Variants in APBA1 observed in about 807,000 individuals in gnomAD.
APBA1 encodes the protein amyloid beta precursor protein binding family A member 1.
In APBA1, 55 loss-of-function variants were observed where a neutral mutation model predicts 86.6. The ratio of observed to expected loss-of-function variants is 0.64; its 90% confidence interval spans 0.51 to 0.80. The LOEUF is 0.80. Ranked by LOEUF, APBA1 falls within the 30% of genes least tolerant of loss-of-function variation. The probability of loss-of-function intolerance (pLI) is 0.00; values close to 1 mark genes in which losing one functional copy is unlikely to be tolerated. For synonymous variants in APBA1, 511 were observed against 493.9 expected (o/e 1.03, Z -0.46); for missense variants, 1,090 against 1,183.0 (o/e 0.92, Z 1.15).
At chr9:69,548,963 G>C (rs1449032901) in intron 1 of APBA1, among the ~76,000 whole-genome samples, 1 of 152,214 alleles carries the variant, frequency 6.6e-6, no homozygotes, top group Non-Finnish European at 1.5e-5. Context: ...AAATGCCCGG[G>C]GTGGTGGGAA....
At chr9:69,442,774 C>G (rs985322986) in intron 10 of APBA1, among the ~76,000 whole-genome samples, 1 of 152,194 alleles carries the variant, frequency 6.6e-6, no homozygotes. Flanking sequence ...ACTCCTTGAC[C>G]AGTCTACCAA....
At chr9:69,612,536 A>C (rs1263292832) in intron 1 of APBA1, among the ~76,000 whole-genome samples, 1 of 152,040 alleles carries the variant, frequency 6.6e-6, no homozygotes, top group Non-Finnish European at 1.5e-5. Flanking sequence ...TAAACATAAA[A>C]ATTATGTTAT....
chr9:69,484,892 T>A (rs1835581664), intron 2 of APBA1, among the ~76,000 whole-genome samples: 1 of 152,186 alleles, frequency 6.6e-6, no homozygotes, highest in Non-Finnish European at 1.5e-5. Flanking sequence ...TCTTCATTTT[T>A]CAGTGGTCAA....
intron 1 of APBA1, among the ~76,000 whole-genome samples, chr9:69,598,999 A>G (rs1441992694): frequency 6.6e-6 from 1 of 152,226 alleles, no homozygotes; most frequent in Non-Finnish European, 1.5e-5. Flanking sequence ...GATTCCACCT[A>G]TATGAGGAAG....
At chr9:69,532,839 A>G (rs1405724204) in intron 1 of APBA1, among the ~76,000 whole-genome samples, 1 of 152,206 alleles carries the variant, frequency 6.6e-6, no homozygotes, top group African/African-American at 2.4e-5. Flanking sequence ...CCTTTCTTCC[A>G]TCTATAAAAT....
intron 10 of APBA1, among the ~76,000 whole-genome samples, chr9:69,443,038 A>G (rs1258742063): frequency 6.6e-6 from 1 of 152,190 alleles, no homozygotes. Context: ...GATATGCTTT[A>G]GATTGAGGGA....
rs1428642188 is a variant in APBA1 at position 69,577,932 on chromosome 9, C to CA, written c.-69-60654dup. Among the ~76,000 whole-genome samples the CA allele has an allele frequency of 2.0e-5, 3 of 152,248 alleles. No homozygotes were observed. In the South Asian group the frequency reaches 6.2e-4, roughly 32 times the overall value. ...CCAGTGTGGCAGCAACCCAGGCAAT[C>CA]ACCAGCACTGGCCCAACTGGAGAAA... On this transcript the variant is annotated intron_variant, in intron 1 of 12. Coordinates refer to ENST00000265381, the MANE Select transcript of APBA1 (RefSeq NM_001163.4).
At chr9:69,574,386 T>TA (rs1821737054) in intron 1 of APBA1, among the ~76,000 whole-genome samples, 1 of 152,228 alleles carries the variant, frequency 6.6e-6, no homozygotes, top group Non-Finnish European at 1.5e-5. Context: ...TGTGGACCTT[T>TA]CTTCGCAAAC....
At position 69,517,211 on chromosome 9, in the gene APBA1, G is replaced by A; in HGVS notation, c.-1C>T. 1.4e-6 allele frequency: 2 copies of A among 1,480,344 alleles called. No individual in the cohort carries two copies. Among genetic ancestry groups the A allele is most frequent in the Non-Finnish European group, 1.8e-6 (2 of 1,114,914 alleles). The allele number at this position is 1,480,344 out of a possible 1,614,324, so 91.7% of individuals were successfully genotyped here. A position where few individuals can be genotyped will look rare whatever the true frequency, so the allele number is the denominator to read the frequency against. Reference sequence around the variant, plus strand: ...CCGCAGACCCCTCCAAGTGGTTCATGGTGGGAGTCGGAACGGCTAGGAGAG... The same window carrying A: ...CCGCAGACCCCTCCAAGTGGTTCATAGTGGGAGTCGGAACGGCTAGGAGAG... On this transcript the variant is annotated 5_prime_UTR_variant, in exon 2 of 13. Transcript: ENST00000265381.
intron 1 of APBA1, among the ~76,000 whole-genome samples, chr9:69,597,468 T>C (rs1430456509): frequency 1.1e-3 from 160 of 152,320 alleles, no homozygotes; most frequent in Non-Finnish European, 4.4e-5. Context: ...AGGTTGCCTG[T>C]TCACTCTGAT....
Position 69,482,928 on chromosome 9 carries a change from A to T in APBA1, c.1201-6785T>A, listed in dbSNP as rs10125268. ...GGTGGGAATTGAACAATGAGATCGC[A>T]TGGACACAGGAAGGGGAATATCACA... On this transcript the variant is annotated intron_variant, in intron 2 of 12. Transcript: ENST00000265381. Among the ~76,000 whole-genome samples the T allele has an allele frequency of 4.5e-5, 6 of 134,056 alleles. No individual in the cohort carries two copies. In the South Asian group the frequency reaches 1.2e-3, roughly 27 times the overall value. 87.9% of individuals were successfully genotyped at this position (134,056 alleles called of 152,430 possible). A position where few individuals can be genotyped will look rare whatever the true frequency, so the allele number is the denominator to read the frequency against.
At chr9:69,583,180 T>C (rs899613097) in intron 1 of APBA1, among the ~76,000 whole-genome samples, 4 of 152,106 alleles carry the variant, frequency 2.6e-5, no homozygotes, top group Non-Finnish European at 5.9e-5. Flanking sequence ...AGGGGGAAGG[T>C]ATTAAGTGGA....
rs563635420 is a variant in APBA1 at position 69,668,684 on chromosome 9, C to T, written c.-70+3469G>A. Among the ~76,000 whole-genome samples the T allele has an allele frequency of 2.6e-5, 4 of 152,314 alleles. No individual in the cohort carries two copies. The South Asian group carries it at 8.3e-4, about 32-fold the overall frequency. On this transcript the variant is annotated intron_variant, in intron 1 of 12. Coordinates refer to ENST00000265381, the MANE Select transcript of APBA1 (RefSeq NM_001163.4). ...AAGTTGCTCCACCACCTTGAACAAA[C>T]CTCTCTTTCTTGCTTTATCCCTCAT...
intron 1 of APBA1, among the ~76,000 whole-genome samples, chr9:69,523,116 G>C (rs530157085): frequency 2.0e-5 from 3 of 152,224 alleles, no homozygotes; most frequent in African/African-American, 7.2e-5. Context: ...TTTAGAAATA[G>C]AATAGTTCAT....
intron 11 of APBA1, among the ~76,000 whole-genome samples, chr9:69,434,911 C>G (rs1450370855): frequency 6.6e-6 from 1 of 150,666 alleles, no homozygotes; most frequent in African/African-American, 2.4e-5. Flanking sequence ...CGTCATTTAG[C>G]ATTAGGTATA....
At chr9:69,451,545 T>C (rs1264052960) in intron 9 of APBA1, among the ~76,000 whole-genome samples, 2 of 152,134 alleles carry the variant, frequency 1.3e-5, no homozygotes, top group Non-Finnish European at 2.9e-5. Flanking sequence ...CCTAGACAAA[T>C]GTGGAGCTTT....
chr9:69,435,566 T>C (rs561153408), intron 11 of APBA1, among the ~76,000 whole-genome samples: 3 of 152,372 alleles, frequency 2.0e-5, no homozygotes, highest in East Asian at 3.9e-4. Context: ...CATTTTTTCA[T>C]GTGTCTTTTG....
intron 1 of APBA1, among the ~76,000 whole-genome samples, chr9:69,657,868 AT>A (rs1438821538): frequency 1.3e-5 from 2 of 152,224 alleles, no homozygotes; most frequent in African/African-American, 2.4e-5. Context: ...CTTAAAGAGT[AT>A]AAAGGTATAC....
intron 1 of APBA1, among the ~76,000 whole-genome samples, chr9:69,580,813 A>G (rs947030478): frequency 6.6e-6 from 1 of 152,158 alleles, no homozygotes; most frequent in Non-Finnish European, 1.5e-5. Flanking sequence ...TAAACTTCGC[A>G]TATCCCTCTC....
Sources: allele counts gnomAD v4.1 joint callset (sites outside exome capture counted in the v4.1 genomes callset), GRCh38; gene constraint gnomAD v4.1.1; transcripts MANE v1.5; gene names NCBI Gene and HGNC (gene_info 2026-07-23, HGNC 2026-07-21).